Variants in YLPM1 observed in about 807,000 individuals in gnomAD.
The protein encoded by YLPM1 is YLP motif-containing protein 1.
Under a neutral mutation model 230.0 loss-of-function variants are expected in YLPM1, and 99 were observed. The observed-to-expected ratio is 0.43, with a 90% confidence interval of 0.37 to 0.51. The LOEUF (loss-of-function observed/expected upper bound fraction) is 0.51, where lower values mean the gene tolerates loss of function less well. Among genes scored for constraint, YLPM1 ranks in the 20% least tolerant of loss-of-function variants. The probability of loss-of-function intolerance (pLI) is 0.00; values close to 1 mark genes in which losing one functional copy is unlikely to be tolerated. For missense variants in YLPM1, 2,592 were observed against 2,707.7 expected (o/e 0.96, Z 0.95); for synonymous variants, 984 against 942.5 (o/e 1.04, Z -0.81).
intron 4 of YLPM1, among the ~76,000 whole-genome samples, chr14:74,785,875 G>A (rs937682518): frequency 9.2e-5 from 14 of 152,204 alleles, no homozygotes; most frequent in African/African-American, 3.1e-4. Context: ...GAGTCTAGGG[G>A]AGCTGTTTTG....
intron 1 of YLPM1, among the ~76,000 whole-genome samples, chr14:74,775,216 G>C (rs2091022779): frequency 6.6e-6 from 1 of 152,154 alleles, no homozygotes; most frequent in African/African-American, 2.4e-5. Context: ...GACCGAGAGG[G>C]AAGGGCTTCA....
In YLPM1 at chr14:74,817,222, A is replaced by C; in HGVS notation, c.5891A>C (p.Asn1964Thr). 2 of 1,602,300 alleles carry C rather than the reference A, an allele frequency of 1.2e-6. No homozygotes were observed. The highest frequency in any genetic ancestry group is 1.7e-6 in the Non-Finnish European group (2 of 1,173,734). The change falls in exon 15 of 21, where the codon AAC becomes ACC. Residue 1964 changes from asparagine to threonine, a missense_variant. By Grantham distance (65) the Asn-to-Thr change is moderately conservative. This residue lies in a region of YLPM1 where 315 missense variants were observed against 429.3 expected (regional missense o/e 0.73). Transcript: ENST00000325680. ...TATTTGGCTGAAATGAGTGCAGATA[A>C]CCAGACTTGTGGCAAGAGAAATATT... The part of the protein sequence containing the change: ...EVYLAEMSAD[N>T]QTCGKRNIHG...
chr14:74,802,478 T>TA, intron 5 of YLPM1, 78 bp from the exon 6 acceptor site: 1 of 1,480,010 alleles, frequency 6.8e-7, no homozygotes, highest in Non-Finnish European at 9.0e-7. Context: ...CTCCTTTTTT[T>TA]AATTAAATAT....
In YLPM1 at chr14:74,798,406, G is replaced by A. The variant is rs781683526; in HGVS notation, c.3109G>A (p.Val1037Ile). Residue 1037 changes from valine to isoleucine, a missense_variant, in exon 5 of 21, where the codon GTA becomes ATA. Val to Ile is a conservative substitution (Grantham distance 29). Coordinates refer to ENST00000325680, the MANE Select transcript of YLPM1 (RefSeq NM_019589.3). ...GGAAGACACACGGGATAAAGGTCTA[G>A]TAAACAGAGGTCGCGGCCAGGCAAT... The part of the protein sequence containing the change: ...RMEDTRDKGL[V>I]NRGRGQAISR... 9 of 1,613,998 alleles carry A rather than the reference G, an allele frequency of 5.6e-6. No homozygotes were observed. In the East Asian group the frequency reaches 8.9e-5, roughly 16 times the overall value.
chr14:74,809,263 A>C (rs964089438), intron 6 of YLPM1, 117 bp from the exon 7 acceptor site: 7 of 1,347,258 alleles, frequency 5.2e-6, no homozygotes, highest in Non-Finnish European at 6.7e-6. Context: ...CGAAATTTTG[A>C]ATGAGTCCAA....
Position 74,764,281 on chromosome 14 carries a change from T to G in YLPM1, c.792T>G (p.Pro264=). 3.7e-6 allele frequency: 6 copies of G among 1,613,810 alleles called. No individual in the cohort carries two copies. Among genetic ancestry groups the G allele is most frequent in the Non-Finnish European group, 5.1e-6 (6 of 1,179,858 alleles). ...PGNKTTVQQE[P]LESGAKNKST... is the part of the protein sequence containing the mutation. The stretch of plus-strand genomic sequence containing the variant: ...ATAAGACAACTGTCCAGCAAGAGCC[T>G]TTGGAGAGTGGGGCCAAAAACAAGA... Residue 264 remains proline, a synonymous_variant, in exon 1 of 21, where the codon CCT becomes CCG. Transcript: ENST00000325680.
intron 19 of YLPM1, among the ~76,000 whole-genome samples, chr14:74,830,954 T>C (rs1175677866): frequency 6.6e-6 from 1 of 152,220 alleles, no homozygotes; most frequent in Non-Finnish European, 1.5e-5. Context: ...ATGTCTTTAC[T>C]GATGGATGCT....
chr14:74,827,475 C>T, intron 18 of YLPM1: 3 of 985,392 alleles, frequency 3.0e-6, no homozygotes, highest in South Asian at 9.4e-5. Context: ...AAAGGGTGCT[C>T]AGACTAGAAA....
chr14:74,832,946 A>T lies in YLPM1; in HGVS notation c.6295-2319A>T, dbSNP rs183959649. Among the ~76,000 whole-genome samples, 196 of 148,360 alleles carry T rather than the reference A, an allele frequency of 1.3e-3. 1 individual carries two copies. The highest frequency in any genetic ancestry group is 5.1e-3 in the African/African-American group (194 of 37,946). ...GTGAGATTGATCAGTATATTTAACT[A>T]TGTGCTGAGGTTGATAAGTATATTT... is the stretch of plus-strand genomic sequence containing the variant. On this transcript the variant is annotated intron_variant, in intron 19 of 20. Coordinates refer to ENST00000325680, the MANE Select transcript of YLPM1 (RefSeq NM_019589.3).
At chr14:74,766,143 G>A (rs188212313) in intron 1 of YLPM1, among the ~76,000 whole-genome samples, 19 of 152,030 alleles carry the variant, frequency 1.2e-4, no homozygotes, top group African/African-American at 7.3e-5. Context: ...TCTTATTACC[G>A]TAGCACCTAG....
intron 16 of YLPM1, among the ~76,000 whole-genome samples, chr14:74,818,778 A>G (rs546009968): frequency 5.9e-5 from 9 of 152,352 alleles, no homozygotes; most frequent in African/African-American, 2.2e-4. Context: ...TGGTATATAG[A>G]AATTTTCAAA....
In YLPM1 at chr14:74,798,077, A is replaced by G. The variant is rs2091281932; in HGVS notation, c.2780A>G (p.Asn927Ser). ...GTAGAGCCCTCTAATTGGGACCAGAATGTTCAAAGTATGGAGACTCAAATC... is the reference window on the plus strand; with the variant it reads ...GTAGAGCCCTCTAATTGGGACCAGAGTGTTCAAAGTATGGAGACTCAAATC... The part of the protein sequence containing the change: ...GPVEPSNWDQ[N>S]VQSMETQIDK... Residue 927 changes from asparagine to serine, a missense_variant, in exon 5 of 21, where the codon AAT (asparagine) becomes AGT (serine). Coordinates refer to ENST00000325680, the MANE Select transcript of YLPM1 (RefSeq NM_019589.3). 3 of 1,613,870 alleles carry G rather than the reference A, an allele frequency of 1.9e-6. No individual in the cohort carries two copies. Among genetic ancestry groups the G allele is most frequent in the Non-Finnish European group, 2.5e-6 (3 of 1,179,896 alleles).
In YLPM1 at chr14:74,816,669, T is replaced by C; in HGVS notation, c.5664T>C (p.Ser1888=). ...AAAAAGAAGAAAAAGATCCAGATTC[T>C]GGAAAGAAAGTGAAAAAGAAGGTAT... The part of the protein sequence containing the change: ...EVEKEEKDPD[S]GKKVKKKVME... The change falls in exon 13 of 21, where the codon TCT becomes TCC. Residue 1888 remains serine, a synonymous_variant. Coordinates refer to ENST00000325680, the MANE Select transcript of YLPM1 (RefSeq NM_019589.3). The C allele has an allele frequency of 6.2e-6, 10 of 1,613,038 alleles. No homozygotes were observed. Among genetic ancestry groups the C allele is most frequent in the East Asian group, 2.2e-5 (1 of 44,848 alleles).
In YLPM1 at chr14:74,764,215, C is replaced by T. The variant is rs748984259; in HGVS notation, c.726C>T (p.Ser242=). 5 of 1,612,780 alleles carry T rather than the reference C, an allele frequency of 3.1e-6. No homozygotes were observed. The highest frequency in any genetic ancestry group is 1.3e-5 in the African/African-American group (1 of 74,612). ...GCCCCTCCCAGGGCCATTCTAAATC[C>T]CAACTACTAGCTCCACCACCACCGT... ...PSRPSQGHSK[S]QLLAPPPPSA... is the part of the protein sequence containing the mutation. The change falls in exon 1 of 21, where the codon TCC becomes TCT. Residue 242 remains serine, a synonymous_variant. Coordinates refer to ENST00000325680, the MANE Select transcript of YLPM1 (RefSeq NM_019589.3).
Position 74,798,971 on chromosome 14 carries a change from GATA to G in YLPM1, c.3675_3677del (p.Arg1225_Tyr1226delinsSer). On this transcript the variant is annotated inframe_deletion, in exon 5 of 21. Transcript: ENST00000325680. ...AGACTCGATGACTGGGATAGAGAGAGATACTGGAGAGAATGTGAACGTGACTAT... is the reference window on the plus strand; with the variant it reads ...AGACTCGATGACTGGGATAGAGAGAGCTGGAGAGAATGTGAACGTGACTAT... 6.2e-7 allele frequency: 1 copy of G among 1,613,896 alleles called. No homozygotes were observed.
intron 4 of YLPM1, among the ~76,000 whole-genome samples, chr14:74,794,274 C>G (rs988683623): frequency 6.6e-6 from 1 of 152,126 alleles, no homozygotes; most frequent in African/African-American, 2.4e-5. Flanking sequence ...TTCTCCACCT[C>G]TTGGGTTCAA....
At chr14:74,824,737 T>C (rs2091549498) in intron 18 of YLPM1, among the ~76,000 whole-genome samples, 1 of 152,064 alleles carries the variant, frequency 6.6e-6, no homozygotes, top group Non-Finnish European at 1.5e-5. Flanking sequence ...TCTCCTTGTA[T>C]AATAAATGAG....
At chr14:74,801,816 C>G (rs551718308) in intron 5 of YLPM1, among the ~76,000 whole-genome samples, 7 of 152,290 alleles carry the variant, frequency 4.6e-5, no homozygotes, top group African/African-American at 1.7e-4. Context: ...GTAAATATGA[C>G]AGCTAATTTC....
Position 74,798,681 on chromosome 14 carries a change from T to A in YLPM1, c.3384T>A (p.Ala1128=), listed in dbSNP as rs1336450508. 6.2e-7 allele frequency: 1 copy of A among 1,611,986 alleles called. No individual in the cohort carries two copies. Among genetic ancestry groups the A allele is most frequent in the Non-Finnish European group, 8.5e-7 (1 of 1,178,768 alleles). ...GSQERGPLRR[A]GSRERIPPRR... ...AGGAGAGGGGACCTCTTCGAAGGGC[T>A]GGGAGTAGAGAGAGAATACCACCCC... is the stretch of plus-strand genomic sequence containing the variant. The change falls in exon 5 of 21, where the codon GCT becomes GCA. Residue 1128 remains alanine (A), a synonymous_variant. Coordinates refer to ENST00000325680, the MANE Select transcript of YLPM1 (RefSeq NM_019589.3).
Sources: allele counts gnomAD v4.1 joint callset (sites outside exome capture counted in the v4.1 genomes callset), GRCh38; gene constraint gnomAD v4.1.1; regional missense constraint gnomAD v4.1.1; transcripts MANE v1.5; gene names NCBI Gene and HGNC (gene_info 2026-07-23, HGNC 2026-07-21).